The following SNX21 variants were observed in gnomAD, a reference collection of about 807,000 sequenced individuals.
SNX21 encodes the protein sorting nexin-21.
A neutral mutation model predicts 30.9 loss-of-function variants in SNX21; 36 were observed. That is an observed-to-expected ratio of 1.16 (90% CI 0.89 to 1.54). SNX21 has a LOEUF of 1.54. SNX21 is among the 40% of genes most tolerant of loss of function. The pLI, the probability that SNX21 is intolerant of heterozygous loss-of-function variation, is 0.00. For synonymous variants in SNX21, 218 were observed against 222.7 expected (o/e 0.98, Z 0.19); for missense variants, 508 against 516.5 (o/e 0.98, Z 0.16).
Position 45,833,953 on chromosome 20 carries a change from G to T in SNX21, c.21+13G>T, listed in dbSNP as rs1025223282. On this transcript the variant is annotated intron_variant, in intron 1 of 3. Coordinates refer to ENST00000491381, the MANE Select transcript of SNX21 (RefSeq NM_033421.4). ...TGGGACGCAGGAGGTAGAGGCGCAC[G>T]AGGCGGCGCAAGAGACATCGGGAGG... The T allele has an allele frequency of 3.5e-6, 5 of 1,436,720 alleles. No individual in the cohort carries two copies. Among genetic ancestry groups the T allele is most frequent in the Non-Finnish European group, 4.6e-6 (5 of 1,098,172 alleles). The allele number at this position is 1,436,720 out of a possible 1,614,324, so 89.0% of individuals were successfully genotyped here. A position where few individuals can be genotyped will look rare whatever the true frequency, so the allele number is the denominator to read the frequency against.
chr20:45,836,632 C>T (rs1287872723), intron 3 of SNX21, among the ~76,000 whole-genome samples: 2 of 152,016 alleles, frequency 1.3e-5, no homozygotes, highest in African/African-American at 4.8e-5. Context: ...TCCCAAGTAG[C>T]TAGGACTACA....
chr20:45,839,348 T>C (rs926972619), intron 3 of SNX21, among the ~76,000 whole-genome samples: 4 of 151,844 alleles, frequency 2.6e-5, no homozygotes, highest in East Asian at 2.0e-4. Flanking sequence ...ACCCCGTCTC[T>C]ACTAAAAAAT....
At chr20:45,840,423 CT>C in intron 3 of SNX21, 1 of 1,614,216 alleles carries the variant, frequency 6.2e-7, no homozygotes. Context: ...TCTCTTCTTG[CT>C]GCCTTGGGCC....
At chr20:45,835,941 C>T (rs1157996567) in intron 3 of SNX21, among the ~76,000 whole-genome samples, 3 of 151,968 alleles carry the variant, frequency 2.0e-5, no homozygotes, top group Non-Finnish European at 4.4e-5. Flanking sequence ...ATGCCCACAG[C>T]GACTCCTGCT....
At position 45,842,604 on chromosome 20, in the gene SNX21, A is replaced by C. The variant is rs1352684593; in HGVS notation, c.*1291A>C. The C allele has an allele frequency of 4.5e-5, 45 of 993,230 alleles. No individual in the cohort carries two copies. The highest frequency in any genetic ancestry group is 5.2e-5 in the Non-Finnish European group (43 of 834,872). 61.5% of individuals were successfully genotyped at this position (993,230 alleles called of 1,614,324 possible). On this transcript the variant is annotated 3_prime_UTR_variant, in exon 4 of 4. Coordinates refer to ENST00000491381, the MANE Select transcript of SNX21 (RefSeq NM_033421.4). Reference sequence around the variant, plus strand: ...TTCTCCCTTGCTGGCTTTGGGCCCAAGTTTGATGTTTATGAGGATGATTGC... The same window carrying C: ...TTCTCCCTTGCTGGCTTTGGGCCCACGTTTGATGTTTATGAGGATGATTGC...
intron 3 of SNX21, 120 bp from the exon 4 acceptor site, chr20:45,840,519 C>A: frequency 6.2e-7 from 1 of 1,613,470 alleles, no homozygotes; most frequent in South Asian, 1.1e-5. Context: ...TGGGTGCTGT[C>A]CCAGGGGTGA....
At chr20:45,835,183 C>A in intron 3 of SNX21, 67 bp downstream of exon 3, 3 of 1,506,312 alleles carry the variant, frequency 2.0e-6, no homozygotes, top group Non-Finnish European at 1.8e-6. Flanking sequence ...GTAGGGAAGA[C>A]CCCAACTTCC....
At chr20:45,834,491 G>C in intron 2 of SNX21, 23 bp downstream of exon 2, 2 of 1,574,884 alleles carry the variant, frequency 1.3e-6, no homozygotes, top group Non-Finnish European at 1.7e-6. Context: ...GGACGGAGGC[G>C]GGAACCCTGG....
Position 45,841,382 on chromosome 20 carries a change from A to C in SNX21, c.*69A>C. 1.3e-6 allele frequency: 2 copies of C among 1,505,396 alleles called. No homozygotes were observed. Among genetic ancestry groups the C allele is most frequent in the Non-Finnish European group, 1.8e-6 (2 of 1,128,734 alleles). 93.3% of individuals were successfully genotyped at this position (1,505,396 alleles called of 1,614,324 possible). A position where few individuals can be genotyped will look rare whatever the true frequency, so the allele number is the denominator to read the frequency against. ...CAGAAGGCAGGGGAAGGACCTGATG[A>C]GAACAGAATAGCTGGGAGGCTGCAG... On this transcript the variant is annotated 3_prime_UTR_variant, in exon 4 of 4. Transcript: ENST00000491381.
In SNX21 at chr20:45,834,324, G is replaced by A; in HGVS notation, c.145G>A (p.Asp49Asn). 6.3e-7 allele frequency: 1 copy of A among 1,598,140 alleles called. No individual in the cohort carries two copies. The highest frequency in any genetic ancestry group is 8.5e-7 in the Non-Finnish European group (1 of 1,177,294). The change falls in exon 2 of 4, where the codon GAC becomes AAC. Residue 49 changes from aspartate to asparagine, a missense_variant. Asp to Asn is a conservative substitution (Grantham distance 23). Coordinates refer to ENST00000491381, the MANE Select transcript of SNX21 (RefSeq NM_033421.4). ...FPESSELEDDDAEGLSSRLSG... is the reference protein window; with the variant it reads ...FPESSELEDDNAEGLSSRLSG... Reference sequence around the variant, plus strand: ...GGAGAGCTCAGAGCTGGAGGACGACGACGCCGAGGGCCTGTCCTCCCGACT... The same window carrying A: ...GGAGAGCTCAGAGCTGGAGGACGACAACGCCGAGGGCCTGTCCTCCCGACT...
chr20:45,837,664 C>T (rs1333114133), intron 3 of SNX21, among the ~76,000 whole-genome samples: 1 of 152,186 alleles, frequency 6.6e-6, no homozygotes, highest in Non-Finnish European at 1.5e-5. Context: ...GTTTTCCAAA[C>T]CTCAGTCATT....
rs527568911 is a variant in SNX21 at position 45,837,364 on chromosome 20, G to T, written c.447+2248G>T. On this transcript the variant is annotated intron_variant, in intron 3 of 3. Coordinates refer to ENST00000491381, the MANE Select transcript of SNX21 (RefSeq NM_033421.4). Reference sequence around the variant, plus strand: ...GTTTTGAGAATGCAGAGTTAAATGAGAATACAATAAGTTTCTTTATTGTTA... The same window carrying T: ...GTTTTGAGAATGCAGAGTTAAATGATAATACAATAAGTTTCTTTATTGTTA... 9.8e-5 allele frequency among the ~76,000 whole-genome samples: 15 copies of T among 152,314 alleles called. No individual in the cohort carries two copies. The South Asian group carries it at 2.9e-3, about 29-fold the overall frequency.
chr20:45,836,015 C>A (rs1454467500), intron 3 of SNX21, among the ~76,000 whole-genome samples: 1 of 152,190 alleles, frequency 6.6e-6, no homozygotes, highest in Non-Finnish European at 1.5e-5. Context: ...AGTGGCAGCT[C>A]TCCATCTCTC....
intron 3 of SNX21, among the ~76,000 whole-genome samples, chr20:45,836,516 AAT>A (rs1555821703): frequency 6.5e-4 from 82 of 126,156 alleles, no homozygotes; most frequent in Middle Eastern, 4.4e-3. Flanking sequence ...AAAAAAAAAA[AAT>A]TTTGAGACAG....
chr20:45,834,723 G>A, intron 2 of SNX21: 1 of 657,182 alleles, frequency 1.5e-6, no homozygotes, highest in South Asian at 2.0e-5. Context: ...ACAGGGCTTG[G>A]GATCCGAATG....
In SNX21 at chr20:45,834,224, G is replaced by A. The variant is rs763023553; in HGVS notation, c.45G>A (p.Leu15=). 1.7e-5 allele frequency: 27 copies of A among 1,554,130 alleles called. No homozygotes were observed. In the Admixed American group the frequency reaches 2.3e-4, roughly 13 times the overall value. The change falls in exon 2 of 4, where the codon CTG becomes CTA. Residue 15 remains leucine, a synonymous_variant. Transcript: ENST00000491381. ...TQEGAMASRL[L]HRLRHALAGD... ...AGGGTGCCATGGCCTCCCGGCTCCT[G>A]CACCGGCTGCGGCACGCCTTGGCCG...
At chr20:45,835,903 G>A (rs1209965359) in intron 3 of SNX21, among the ~76,000 whole-genome samples, 2 of 152,170 alleles carry the variant, frequency 1.3e-5, no homozygotes, top group Non-Finnish European at 2.9e-5. Flanking sequence ...TTGAGAGACT[G>A]ACTTGGAGAA....
At chr20:45,834,788 G>T in intron 2 of SNX21, 171 bp from the exon 3 acceptor site, 1 of 841,182 alleles carries the variant, frequency 1.2e-6, no homozygotes, top group Admixed American at 2.5e-5. Flanking sequence ...AGCCCCTACT[G>T]TCTGCCAGGC....
At chr20:45,837,330 A>G (rs1983628023) in intron 3 of SNX21, among the ~76,000 whole-genome samples, 1 of 152,252 alleles carries the variant, frequency 6.6e-6, no homozygotes, top group African/African-American at 2.4e-5. Flanking sequence ...AAGGTTTTGC[A>G]GGCAATATGT....
Sources: gnomAD v4.1 joint callset for allele counts (sites outside exome capture counted in the v4.1 genomes callset) on GRCh38, gnomAD v4.1.1 for gene constraint, MANE v1.5 for transcripts, NCBI Gene and HGNC (gene_info 2026-07-23, HGNC 2026-07-21) for gene names.